LMLN: variants seen among roughly 807,000 people sequenced by gnomAD.
The protein encoded by LMLN is leishmanolysin-like peptidase.
In LMLN, 70 loss-of-function variants were observed where a neutral mutation model predicts 92.3. The observed-to-expected ratio is 0.76, with a 90% CI of 0.63 to 0.92. The LOEUF is 0.92. LMLN is among the 40% of genes least tolerant of loss of function. LMLN has a pLI of 0.00. For synonymous variants in LMLN, 308 were observed against 296.2 expected (o/e 1.04, Z -0.41); for missense variants, 691 against 814.6 (o/e 0.85, Z 1.85).
Position 198,019,493 on chromosome 3 carries a change from T to G in LMLN, c.1365+108T>G. 8.9e-7 allele frequency: 1 copy of G among 1,120,298 alleles called. No individual in the cohort carries two copies. The highest frequency in any genetic ancestry group is 1.2e-6 in the Non-Finnish European group (1 of 809,058). 69.4% of individuals were successfully genotyped at this position (1,120,298 alleles called of 1,614,324 possible). The stretch of plus-strand genomic sequence containing the variant: ...AGATTCTTAATTTATAAGGCCTTGT[T>G]TGTTTTCTGTAAGTTAGAAAAAAAT... On this transcript the variant is annotated intron_variant, in intron 12 of 15. Transcript: ENST00000330198. The surrounding 1 kb of genome is among the most constrained non-coding windows in gnomAD (Gnocchi z 5.5).
At chr3:198,038,696 C>A in exon 16 of LMLN, 1 of 1,502,832 alleles carries the variant, frequency 6.7e-7, no homozygotes, top group Non-Finnish European at 9.3e-7. Flanking sequence ...TCAAGATATT[C>A]TTTTATGTTA....
rs1442067611 is a variant in LMLN, at chr3:198,019,370, A to AC, written c.1352dup (p.Gln452ThrfsTer7). On this transcript the variant is annotated frameshift_variant, in exon 12 of 16. Transcript: ENST00000330198. LOFTEE classifies it high-confidence loss of function. The surrounding 1 kb of genome is among the most constrained non-coding windows in gnomAD (Gnocchi z 5.5). ...ATTTGCAGAAGTTCCCTAAGCCTTTACCACAGGAATACCAGGTAGAACAGG... is the reference window on the plus strand; with the variant it reads ...ATTTGCAGAAGTTCCCTAAGCCTTTACCCACAGGAATACCAGGTAGAACAGG... 1 of 1,613,640 alleles carries AC rather than the reference A, an allele frequency of 6.2e-7. No individual in the cohort carries two copies. The highest frequency in any genetic ancestry group is 8.5e-7 in the Non-Finnish European group (1 of 1,179,978).
intron 8 of LMLN, among the ~76,000 whole-genome samples, chr3:197,986,768 C>A (rs754049413): frequency 1.2e-4 from 18 of 151,784 alleles, no homozygotes; most frequent in Non-Finnish European, 1.5e-5. Flanking sequence ...ATTACAGAAT[C>A]TAGGTGAGCT....
At chr3:198,007,377 G>T (rs1259298376) in intron 11 of LMLN, among the ~76,000 whole-genome samples, 4 of 151,880 alleles carry the variant, frequency 2.6e-5, no homozygotes, top group Non-Finnish European at 5.9e-5. Flanking sequence ...CTTAGATCAA[G>T]GTTTGTTTCT....
At chr3:197,975,935 C>CT (rs1445017828) in intron 3 of LMLN, 94 bp from the exon 4 acceptor site, 16 of 737,282 alleles carry the variant, frequency 2.2e-5, no homozygotes, top group Non-Finnish European at 3.3e-5. Flanking sequence ...AATTATAAAG[C>CT]TTTTTTTCAT....
intron 6 of LMLN, among the ~76,000 whole-genome samples, chr3:197,981,779 A>G (rs932385428): frequency 2.0e-5 from 3 of 152,014 alleles, no homozygotes; most frequent in African/African-American, 7.3e-5. Flanking sequence ...ATTAGCGATT[A>G]GCTGACTTCA....
chr3:197,998,765 A>G (rs1722094107), intron 10 of LMLN, among the ~76,000 whole-genome samples: 1 of 152,144 alleles, frequency 6.6e-6, no homozygotes, highest in South Asian at 2.1e-4. Context: ...GAGCATGATG[A>G]TATTTTAGAC....
In LMLN at chr3:198,007,687, G is replaced by A. The variant is rs553276700; in HGVS notation, c.1232+8345G>A. On this transcript the variant is annotated intron_variant, in intron 11 of 15. Coordinates refer to ENST00000330198, the Ensembl canonical transcript of LMLN. ...TTGGTTCCTTTGCATTTCCATCTAC[G>A]TTTTACAATTATCTCGTCTGTATCT... Among the ~76,000 whole-genome samples the A allele has an allele frequency of 1.2e-4, 18 of 152,134 alleles. No homozygotes were observed. The South Asian group carries it at 3.1e-3, about 26-fold the overall frequency.
At chr3:197,961,387 T>C (rs1228910525) in intron 1 of LMLN, among the ~76,000 whole-genome samples, 1 of 152,334 alleles carries the variant, frequency 6.6e-6, no homozygotes, top group African/African-American at 2.4e-5. Context: ...CCCAGAAATC[T>C]AAAGACACTC....
rs183468848 is a variant in LMLN, at chr3:198,023,903, G to A, written c.1526-755G>A. Among the ~76,000 whole-genome samples, 5 of 152,310 alleles carry A rather than the reference G, an allele frequency of 3.3e-5. No individual in the cohort carries two copies. The East Asian group carries it at 9.6e-4, about 29-fold the overall frequency. ...CAGCCTAATATTTGTGGACTTCCAG[G>A]AGGTGGCACAAGTTGAAGATATAAG... is the stretch of plus-strand genomic sequence containing the variant. On this transcript the variant is annotated intron_variant, in intron 13 of 15. Transcript: ENST00000330198.
intron 10 of LMLN, among the ~76,000 whole-genome samples, chr3:197,998,252 T>C (rs763679397): frequency 6.6e-6 from 1 of 152,238 alleles, no homozygotes; most frequent in Non-Finnish European, 1.5e-5. Flanking sequence ...AGAGATCTGC[T>C]TAAATAGATA....
chr3:198,025,772 A>G lies in LMLN; in HGVS notation c.1656+984A>G, dbSNP rs182088449. Among the ~76,000 whole-genome samples the G allele has an allele frequency of 1.4e-4, 21 of 152,336 alleles. No individual in the cohort carries two copies. The highest frequency in any genetic ancestry group is 4.3e-4 in the African/African-American group (18 of 41,574). On this transcript the variant is annotated intron_variant, in intron 14 of 15. Transcript: ENST00000330198. This position sits in a 1 kb window ranked among gnomAD's most constrained non-coding sequence, Gnocchi z 4.3. ...CCATTCTGTGACTTAGGAGCATCCAATGGAATGAATCTTCTGCACCCTACA... is the reference window on the plus strand; with the variant it reads ...CCATTCTGTGACTTAGGAGCATCCAGTGGAATGAATCTTCTGCACCCTACA...
chr3:197,975,479 A>C (rs1190253174), intron 3 of LMLN, among the ~76,000 whole-genome samples: 1 of 152,178 alleles, frequency 6.6e-6, no homozygotes, highest in African/African-American at 2.4e-5. Context: ...ACACACACAC[A>C]TGCACGCATG....
At chr3:197,982,069 G>C (rs1192296067) in intron 6 of LMLN, among the ~76,000 whole-genome samples, 3 of 152,094 alleles carry the variant, frequency 2.0e-5, no homozygotes, top group Non-Finnish European at 2.9e-5. Context: ...GCCTCCCAGA[G>C]TGTTAGGATT....
At chr3:197,973,984 CCT>C (rs1560134693) in intron 1 of LMLN, among the ~76,000 whole-genome samples, 1 of 152,082 alleles carries the variant, frequency 6.6e-6, no homozygotes, top group Non-Finnish European at 1.5e-5. Flanking sequence ...AAAATGGAAA[CCT>C]CTTTCATAAA....
In LMLN at chr3:198,019,130, A is replaced by G. The variant is rs958242381; in HGVS notation, c.1233-123A>G. On this transcript the variant is annotated intron_variant, in intron 11 of 15. Transcript: ENST00000330198. The surrounding 1 kb of genome is among the most constrained non-coding windows in gnomAD (Gnocchi z 5.5). ...GCCTCCATCTCTTTCCAAGAATCCC[A>G]TTTGTTAATTATGAAGGTTTGTATT... 1.1e-6 allele frequency: 1 copy of G among 950,200 alleles called. No individual in the cohort carries two copies. Among genetic ancestry groups the G allele is most frequent in the Non-Finnish European group, 1.5e-6 (1 of 649,436 alleles). 58.9% of individuals were successfully genotyped at this position (950,200 alleles called of 1,614,324 possible).
intron 1 of LMLN, among the ~76,000 whole-genome samples, chr3:197,970,582 T>C (rs1235869465): frequency 1.3e-5 from 2 of 152,214 alleles, no homozygotes; most frequent in East Asian, 3.8e-4. Context: ...AGGGTTTTTA[T>C]TGGAGGCTGG....
At chr3:198,014,324 G>C (rs551899705) in intron 11 of LMLN, among the ~76,000 whole-genome samples, 1 of 111,828 alleles carries the variant, frequency 8.9e-6, no homozygotes, top group Non-Finnish European at 1.8e-5. Flanking sequence ...ACCCTTCAGA[G>C]CCCCCTAACT....
At chr3:197,975,944 A>T in intron 3 of LMLN, 85 bp from the exon 4 acceptor site, 1 of 791,316 alleles carries the variant, frequency 1.3e-6, no homozygotes, top group Non-Finnish European at 2.0e-6. Flanking sequence ...GCTTTTTTTC[A>T]TTACTATCCT....
Sources: allele counts gnomAD v4.1 joint callset (sites outside exome capture counted in the v4.1 genomes callset), GRCh38; gene constraint gnomAD v4.1.1; non-coding constraint Gnocchi (gnomAD v3.1); transcripts MANE v1.5; gene names NCBI Gene and HGNC (gene_info 2026-07-23, HGNC 2026-07-21).